The following CENPE variants were observed in gnomAD, a reference collection of about 807,000 sequenced individuals.
CENPE encodes centromere-associated protein E.
In CENPE, 145 loss-of-function variants were observed where a neutral mutation model predicts 336.1. The ratio of observed to expected loss-of-function variants is 0.43; its 90% CI spans 0.38 to 0.50. The LOEUF is 0.50. Ranked by LOEUF, CENPE falls within the 20% of genes least tolerant of loss-of-function variation. The pLI is 0.00. For synonymous variants in CENPE, 1,013 were observed against 984.8 expected (o/e 1.03, Z -0.54); for missense variants, 2,719 against 3,023.3 (o/e 0.90, Z 2.36).
chr4:103,174,390 T>C (rs960170808), intron 16 of CENPE, among the ~76,000 whole-genome samples: 2 of 151,950 alleles, frequency 1.3e-5, no homozygotes, highest in Admixed American at 6.6e-5. Flanking sequence ...GATGACATAA[T>C]GACAGTTAGA....
chr4:103,183,172 T>G, intron 10 of CENPE, 29 bp downstream of exon 10: 1 of 1,494,148 alleles, frequency 6.7e-7, no homozygotes. Flanking sequence ...TAAGAATCAG[T>G]AGGTAAGTGC....
At position 103,145,192 on chromosome 4, in the gene CENPE, A is replaced by G; in HGVS notation, c.4715T>C (p.Leu1572Pro). 1 of 1,613,568 alleles carries G rather than the reference A, an allele frequency of 6.2e-7. No individual in the cohort carries two copies. The highest frequency in any genetic ancestry group is 8.5e-7 in the Non-Finnish European group (1 of 1,179,824). Residue 1572 changes from leucine to proline, a missense_variant, in exon 32 of 49, where the codon CTC becomes CCC. Leu to Pro is a moderately conservative substitution (Grantham distance 98, BLOSUM62 -3). Around this residue, in one of 5 missense-constraint regions of CENPE, gnomAD observed 2,437 missense variants for 2,513.3 expected, o/e 0.97. Transcript: ENST00000265148. ...SALQSIESKM[L>P]ELTNRLQESQ... ...TTCTTGAAGTCTGTTGGTCAACTCG[A>G]GCATCTTACTTTCTATACTTTGTAG...
intron 43 of CENPE, among the ~76,000 whole-genome samples, chr4:103,122,563 A>G (rs191475810): frequency 1.1e-4 from 17 of 152,336 alleles, no homozygotes; most frequent in East Asian, 9.6e-4. Flanking sequence ...AGTTCAACAG[A>G]AAGTCACATA....
Position 103,140,404 on chromosome 4 carries a change from A to AT in CENPE, c.5764dup (p.Ile1922AsnfsTer20). The AT allele has an allele frequency of 6.3e-7, 1 of 1,587,822 alleles. No individual in the cohort carries two copies. The highest frequency in any genetic ancestry group is 8.6e-7 in the Non-Finnish European group (1 of 1,168,686). ...ACGAGCAGTTTTTAGTTCCTGTTGT[A>AT]TTTCCAGATCCTTTATGGTTAGAAG... On this transcript the variant is annotated frameshift_variant, in exon 37 of 49. Transcript: ENST00000265148. LOFTEE classifies it high-confidence loss of function.
intron 28 of CENPE, 28 bp downstream of exon 28, chr4:103,148,816 C>G (rs1229841190): frequency 6.3e-7 from 1 of 1,591,340 alleles, no homozygotes; most frequent in East Asian, 2.2e-5. Flanking sequence ...GAAGAAGTGA[C>G]AAAGGATGAA....
intron 46 of CENPE, among the ~76,000 whole-genome samples, chr4:103,113,125 T>TAA (rs1231515306): frequency 9.3e-5 from 10 of 108,108 alleles, no homozygotes; most frequent in South Asian, 3.2e-4. Context: ...TATAAGTATA[T>TAA]GTGTATATAT....
intron 4 of CENPE, among the ~76,000 whole-genome samples, chr4:103,195,540 T>C (rs999983734): frequency 1.9e-4 from 29 of 152,120 alleles, no homozygotes; most frequent in Admixed American, 1.9e-3. Context: ...CTAACTCGGT[T>C]GCCTATTCTG....
chr4:103,177,130 A>T, intron 13 of CENPE, 84 bp from the exon 14 acceptor site: 1 of 1,124,264 alleles, frequency 8.9e-7, no homozygotes, highest in Non-Finnish European at 1.3e-6. Flanking sequence ...TATTTTTGAA[A>T]ACCATTGACT....
intron 41 of CENPE, among the ~76,000 whole-genome samples, chr4:103,133,175 G>C (rs1341286790): frequency 6.6e-6 from 1 of 151,758 alleles, no homozygotes; most frequent in Non-Finnish European, 1.5e-5. Context: ...TTGTCAAAAT[G>C]ACAAATTTGT....
chr4:103,128,138 T>C (rs763299992), intron 42 of CENPE, among the ~76,000 whole-genome samples: 2 of 152,128 alleles, frequency 1.3e-5, no homozygotes, highest in Non-Finnish European at 2.9e-5. Context: ...ATTTCACACA[T>C]AGCAGAGTTC....
At chr4:103,110,360 T>A (rs1749287638) in intron 47 of CENPE, among the ~76,000 whole-genome samples, 1 of 152,204 alleles carries the variant, frequency 6.6e-6, no homozygotes, top group Non-Finnish European at 1.5e-5. Flanking sequence ...ATGGCAGAGT[T>A]AGTTATTTGT....
chr4:103,144,155 C>T (rs1217160310), intron 33 of CENPE, among the ~76,000 whole-genome samples, 176 bp downstream of exon 33: 2 of 152,132 alleles, frequency 1.3e-5, no homozygotes, highest in Admixed American at 6.5e-5. Context: ...CCAGGATGGT[C>T]TTGATCTCCT....
Position 103,145,683 on chromosome 4 carries a change from T to C in CENPE, c.4414-2A>G. ...AAGTTCCTCTTCAGTTTCCAGGTGC[T>C]TTATTATTAGAGGAAATTCCAATAA... On this transcript the variant is annotated splice_acceptor_variant, in intron 30 of 48. Coordinates refer to ENST00000265148, the MANE Select transcript of CENPE (RefSeq NM_001813.3). LOFTEE classifies it high-confidence loss of function. 6.4e-7 allele frequency: 1 copy of C among 1,573,982 alleles called. No homozygotes were observed. The highest frequency in any genetic ancestry group is 8.6e-7 in the Non-Finnish European group (1 of 1,168,106).
chr4:103,136,163 T>C lies in CENPE; in HGVS notation c.6500A>G (p.His2167Arg). Residue 2167 changes from histidine to arginine, a missense_variant, in exon 40 of 49, where the codon CAC becomes CGC. His to Arg is a conservative substitution (Grantham distance 29). This residue lies in a region of CENPE where 2,437 missense variants were observed against 2,513.3 expected (regional missense o/e 0.97). Coordinates refer to ENST00000265148, the MANE Select transcript of CENPE (RefSeq NM_001813.3). Reference sequence around the variant, plus strand: ...TACCTTCAGTTTCTTCATGATTCTGTGGAATTCCATGGAGCATCTCTGGTT... The same window carrying C: ...TACCTTCAGTTTCTTCATGATTCTGCGGAATTCCATGGAGCATCTCTGGTT... ...TANQRCSMEFHRIMKKLKYVL... is the reference protein window; with the variant it reads ...TANQRCSMEFRRIMKKLKYVL... 6.2e-7 allele frequency: 1 copy of C among 1,613,452 alleles called. No individual in the cohort carries two copies.
In CENPE at chr4:103,144,570, C is replaced by T; in HGVS notation, c.4906G>A (p.Val1636Ile). ...CACATTTTCTCCTGAGTCTCATTGA[C>T]AGCTGTCATCTTAAGAAACTGATAT... ...KEYQFLKMTA[V>I]NETQEKMCEI... is the part of the protein sequence containing the mutation. Residue 1636 changes from valine (V) to isoleucine (I), a missense_variant, in exon 33 of 49, where the codon GTC (valine) becomes ATC (isoleucine). Transcript: ENST00000265148. 6.2e-7 allele frequency: 1 copy of T among 1,612,264 alleles called. No homozygotes were observed. The highest frequency in any genetic ancestry group is 8.5e-7 in the Non-Finnish European group (1 of 1,179,036).
At chr4:103,165,643 T>C (rs1389358238) in intron 16 of CENPE, among the ~76,000 whole-genome samples, 2 of 152,142 alleles carry the variant, frequency 1.3e-5, no homozygotes, top group South Asian at 2.1e-4. Flanking sequence ...TTGAACAGGA[T>C]GTTTTTATTA....
chr4:103,132,960 T>TTATTTATATATATATATATATATATATA (rs1751726045), intron 41 of CENPE, 64 bp from the exon 42 acceptor site: 1 of 144,300 alleles, frequency 6.9e-6, no homozygotes, highest in African/African-American at 3.6e-5. Context: ...AATATTTTAT[T>TTATTTATATATATATATATATATATATA]TATATATATA....
At chr4:103,166,553 A>C (rs1204292043) in intron 16 of CENPE, among the ~76,000 whole-genome samples, 26 of 152,186 alleles carry the variant, frequency 1.7e-4, no homozygotes, top group Admixed American at 1.7e-3. Flanking sequence ...TAAAGCAATA[A>C]TTTTAATTTG....
intron 42 of CENPE, among the ~76,000 whole-genome samples, chr4:103,123,911 C>T (rs1403064032): frequency 6.6e-6 from 1 of 152,154 alleles, no homozygotes; most frequent in African/African-American, 2.4e-5. Context: ...CATTCATATT[C>T]CTTCATCTTA....
Sources: gnomAD v4.1 joint callset for allele counts (sites outside exome capture counted in the v4.1 genomes callset) on GRCh38, gnomAD v4.1.1 for gene constraint, gnomAD v4.1.1 regional missense constraint, MANE v1.5 for transcripts, NCBI Gene and HGNC (gene_info 2026-07-23, HGNC 2026-07-21) for gene names.